SNRNP40: variants seen among roughly 807,000 people sequenced by gnomAD.
SNRNP40 encodes small nuclear ribonucleoprotein U5 subunit 40.
Under a neutral mutation model 45.8 loss-of-function variants are expected in SNRNP40, and 21 were observed. That is an observed-to-expected ratio of 0.46 (90% CI 0.32 to 0.66). SNRNP40 has a LOEUF of 0.66. Ranked by LOEUF, SNRNP40 falls within the 30% of genes least tolerant of loss-of-function variation. The probability of loss-of-function intolerance (pLI) is 0.03; values close to 1 mark genes in which losing one functional copy is unlikely to be tolerated. For synonymous variants in SNRNP40, 142 were observed against 163.8 expected, an observed-to-expected ratio of 0.87 and a Z score of 1.01; for missense variants, 344 against 439.1, an observed-to-expected ratio of 0.78 and a Z score of 1.94.
chr1:31,278,862 A>G (rs1374714442), intron 5 of SNRNP40, among the ~76,000 whole-genome samples: 1 of 152,154 alleles, frequency 6.6e-6, no homozygotes, highest in Non-Finnish European at 1.5e-5. Context: ...CGAGAAAAGC[A>G]AAGGCCCTTG....
At chr1:31,261,469 C>A in intron 9 of SNRNP40, 60 bp downstream of exon 9, 1 of 1,125,446 alleles carries the variant, frequency 8.9e-7, no homozygotes, top group East Asian at 2.4e-5. Flanking sequence ...ACTCTCTATT[C>A]CCAGGATCCC....
At chr1:31,294,665 C>T (rs534239687) in intron 1 of SNRNP40, among the ~76,000 whole-genome samples, 35 of 152,106 alleles carry the variant, frequency 2.3e-4, no homozygotes, top group Non-Finnish European at 4.0e-4. Context: ...GCAGGCTGGG[C>T]GCGGTGGCTC....
chr1:31,286,300 G>A (rs1646058850), intron 4 of SNRNP40, among the ~76,000 whole-genome samples: 1 of 152,018 alleles, frequency 6.6e-6, no homozygotes, highest in Non-Finnish European at 1.5e-5. Flanking sequence ...CTCTGTTCTT[G>A]GACAGAGAAA....
intron 4 of SNRNP40, among the ~76,000 whole-genome samples, chr1:31,286,608 C>G (rs1291438814): frequency 6.6e-6 from 1 of 152,140 alleles, no homozygotes; most frequent in Non-Finnish European, 1.5e-5. Context: ...TCAGTTCAGG[C>G]TTTGACATCC....
In SNRNP40 at chr1:31,281,474, G is replaced by A. The variant is rs1646016112; in HGVS notation, c.554C>T (p.Ala185Val). 6.2e-7 allele frequency: 1 copy of A among 1,606,668 alleles called. No homozygotes were observed. Among genetic ancestry groups the A allele is most frequent in the Non-Finnish European group, 8.5e-7 (1 of 1,173,748 alleles). ...CGTGTTCTGAAATGTCTGGATGGCT[G>A]CTTTCTTCCGGATGTCCCAAAGCTG... ...TVKLWDIRKK[A>V]AIQTFQNTYQ... is the part of the protein sequence containing the mutation. The change falls in exon 5 of 10, where the codon GCA becomes GTA. Residue 185 changes from alanine (A) to valine (V), a missense_variant. By Grantham distance (64) the Ala-to-Val change is moderately conservative. Transcript: ENST00000263694.
intron 2 of SNRNP40, chr1:31,292,925 T>C (rs934805463): frequency 1.5e-5 from 6 of 393,590 alleles, no homozygotes; most frequent in Admixed American, 4.2e-5. Context: ...TATGTCTAGA[T>C]TGCTAAGTGC....
chr1:31,263,545 A>G (rs1645875996), intron 8 of SNRNP40: 2 of 431,866 alleles, frequency 4.6e-6, no homozygotes, highest in Non-Finnish European at 8.9e-6. Flanking sequence ...CTCTGAGCCA[A>G]TGATGACTTT....
intron 5 of SNRNP40, among the ~76,000 whole-genome samples, chr1:31,279,703 C>T (rs1421931481): frequency 9.9e-5 from 15 of 151,148 alleles, no homozygotes; most frequent in Admixed American, 8.6e-4. Flanking sequence ...GCCAAGATCA[C>T]GCCACTGCAT....
At chr1:31,263,113 A>G (rs1645871755) in intron 8 of SNRNP40, 1 of 152,248 alleles carries the variant, frequency 6.6e-6, no homozygotes, top group African/African-American at 2.4e-5. Flanking sequence ...CTGAAATACT[A>G]CTGAAATACT....
Position 31,269,439 on chromosome 1 carries a change from CTG to C in SNRNP40, c.776-201_776-200del, listed in dbSNP as rs769153626. On this transcript the variant is annotated intron_variant, in intron 6 of 9. Coordinates refer to ENST00000263694, the MANE Select transcript of SNRNP40 (RefSeq NM_004814.3). ...GGAAAACACATCTAAATCCCAATAA[CTG>C]GGGCTAGCTGAGGGGGCAGGAAGGA... 5.5e-5 allele frequency: 70 copies of C among 1,283,588 alleles called. No individual in the cohort carries two copies. The Middle Eastern group carries it at 5.6e-3, about 102-fold the overall frequency. The allele number at this position is 1,283,588 out of a possible 1,614,324, so 79.5% of individuals were successfully genotyped here. A position where few individuals can be genotyped will look rare whatever the true frequency, so the allele number is the denominator to read the frequency against.
At position 31,296,682 on chromosome 1, in the gene SNRNP40, A is replaced by G. The variant is rs1282833605; in HGVS notation, c.70T>C (p.Leu24=). 1 of 1,613,832 alleles carries G rather than the reference A, an allele frequency of 6.2e-7. No homozygotes were observed. The change falls in exon 1 of 10, where the codon TTG becomes CTG. Residue 24 remains leucine, a synonymous_variant. Transcript: ENST00000263694. The part of the protein sequence containing the change: ...LVPVKRQRHE[L]LLGAGSGPGA... ...GGGCCAGACCCCGCTCCCAACAGCA[A>G]CTCATGCCGCTGCCGCTTGACTGGA...
At chr1:31,268,023 T>C in intron 7 of SNRNP40, 91 bp from the exon 8 acceptor site, 1 of 837,956 alleles carries the variant, frequency 1.2e-6, no homozygotes, top group Non-Finnish European at 2.0e-6. Context: ...ATTTCCTAAC[T>C]AGAGTTTTAA....
intron 4 of SNRNP40, among the ~76,000 whole-genome samples, chr1:31,286,686 G>A (rs990511022): frequency 9.2e-5 from 14 of 152,218 alleles, no homozygotes; most frequent in African/African-American, 3.4e-4. Context: ...TTGGGCTGCT[G>A]CCCCTCCCTC....
chr1:31,273,640 C>CAA (rs35647868), intron 5 of SNRNP40, among the ~76,000 whole-genome samples: 32 of 149,028 alleles, frequency 2.1e-4, no homozygotes, highest in African/African-American at 4.4e-4. Context: ...AACTCTGTCT[C>CAA]AAAAAAAAAA....
At chr1:31,282,677 A>G (rs1238346545) in intron 4 of SNRNP40, among the ~76,000 whole-genome samples, 2 of 150,746 alleles carry the variant, frequency 1.3e-5, no homozygotes, top group African/African-American at 4.9e-5. Context: ...TCTAATCTCT[A>G]TCTATCTATC....
At chr1:31,271,299 T>C (rs1645936281) in intron 6 of SNRNP40, 80 bp downstream of exon 6, 3 of 1,425,956 alleles carry the variant, frequency 2.1e-6, no homozygotes, top group African/African-American at 1.4e-5. Context: ...TTACAACACA[T>C]TCTAATCGTC....
intron 8 of SNRNP40, among the ~76,000 whole-genome samples, chr1:31,267,456 T>C (rs1002365366): frequency 6.6e-6 from 1 of 152,230 alleles, no homozygotes; most frequent in Non-Finnish European, 1.5e-5. Flanking sequence ...TCAAGCACAG[T>C]CATAACTCTA....
At chr1:31,290,606 G>A (rs192098924) in intron 3 of SNRNP40, among the ~76,000 whole-genome samples, 76 of 152,226 alleles carry the variant, frequency 5.0e-4, no homozygotes, top group African/African-American at 1.3e-3. Context: ...GGCCAGGTGC[G>A]GTGGCTCACA....
At chr1:31,296,538 G>A (rs1557682740) in intron 1 of SNRNP40, 73 bp downstream of exon 1, 2 of 1,516,320 alleles carry the variant, frequency 1.3e-6, no homozygotes, top group South Asian at 1.3e-5. Context: ...AAAGGGTCAG[G>A]GATCACCAGA....
Sources: gnomAD v4.1 joint callset for allele counts (sites outside exome capture counted in the v4.1 genomes callset) on GRCh38, gnomAD v4.1.1 for gene constraint, MANE v1.5 for transcripts, NCBI Gene and HGNC (gene_info 2026-07-23, HGNC 2026-07-21) for gene names.